Variants in IPMK observed in about 807,000 individuals in gnomAD.
IPMK encodes inositol 1,3,4,6-tetrakisphosphate 5-kinase.
Under a neutral mutation model 45.8 loss-of-function variants are expected in IPMK, and 17 were observed. The observed-to-expected ratio is 0.37, with a 90% CI of 0.25 to 0.56. IPMK has a LOEUF of 0.56. Among genes scored for constraint, IPMK ranks in the 20% least tolerant of loss-of-function variants. The probability of loss-of-function intolerance (pLI) is 0.79; values close to 1 mark genes in which losing one functional copy is unlikely to be tolerated. For synonymous variants in IPMK, 180 were observed against 184.3 expected, an observed-to-expected ratio of 0.98 and a Z score of 0.19; for missense variants, 399 against 498.0, an observed-to-expected ratio of 0.80 and a Z score of 1.89.
At chr10:58,261,212 C>T (rs192312374) in intron 1 of IPMK, among the ~76,000 whole-genome samples, 2 of 147,794 alleles carry the variant, frequency 1.4e-5, no homozygotes, top group Admixed American at 6.8e-5. Context: ...ATACAGCATA[C>T]TAGATTTTGT....
At chr10:58,262,431 C>T (rs982261260) in intron 1 of IPMK, among the ~76,000 whole-genome samples, 2 of 151,942 alleles carry the variant, frequency 1.3e-5, no homozygotes, top group Non-Finnish European at 2.9e-5. Context: ...AGGAAGAACT[C>T]GGGTTTAAAT....
intron 3 of IPMK, among the ~76,000 whole-genome samples, chr10:58,218,123 A>G (rs970911812): frequency 1.3e-5 from 2 of 152,262 alleles, no homozygotes; most frequent in Admixed American, 6.5e-5. Flanking sequence ...AAGTGAAGTT[A>G]AGCCCAAATA....
At chr10:58,234,179 G>T (rs909324434) in intron 2 of IPMK, among the ~76,000 whole-genome samples, 1 of 152,110 alleles carries the variant, frequency 6.6e-6, no homozygotes, top group African/African-American at 2.4e-5. Flanking sequence ...CACAAACAAA[G>T]GGAAGAATAT....
rs762302740 is a variant in IPMK, at chr10:58,267,524, C to T, written c.88G>A (p.Glu30Lys). The T allele has an allele frequency of 2.5e-6, 4 of 1,613,028 alleles. No homozygotes were observed. Among genetic ancestry groups the T allele is most frequent in the East Asian group, 2.2e-5 (1 of 44,852 alleles). ...RTSPAIESTPEGTPQPAGGRL... is the reference protein window; with the variant it reads ...RTSPAIESTPKGTPQPAGGRL... ...CCGCCCGCCGGCTGCGGGGTGCCCT[C>T]AGGGGTGGACTCGATCGCCGGTGAG... Residue 30 changes from glutamate to lysine, a missense_variant, in exon 1 of 6, where the codon GAG (glutamate) becomes AAG (lysine). Physicochemically the swap from Glu to Lys is moderately conservative, Grantham distance 56 (BLOSUM62 1). Coordinates refer to ENST00000373935, the MANE Select transcript of IPMK (RefSeq NM_152230.5).
rs868131426 is a variant in IPMK at position 58,203,562 on chromosome 10, C to T, written c.547-4241G>A. On this transcript the variant is annotated intron_variant, in intron 4 of 5. Transcript: ENST00000373935. ...AACTCCTGAGCTCAAGCGATCCACCCGCCTCAGCCTCCCAAAGTGTTGGGA... is the reference window on the plus strand; with the variant it reads ...AACTCCTGAGCTCAAGCGATCCACCTGCCTCAGCCTCCCAAAGTGTTGGGA... 6.6e-5 allele frequency among the ~76,000 whole-genome samples: 10 copies of T among 152,290 alleles called. No homozygotes were observed. The South Asian group carries it at 1.2e-3, about 19-fold the overall frequency.
In IPMK at chr10:58,226,990, A is replaced by C. The variant is rs557822430; in HGVS notation, c.373+53T>G. 34 of 1,220,188 alleles carry C rather than the reference A, an allele frequency of 2.8e-5. No individual in the cohort carries two copies. The African/African-American group carries it at 4.2e-4, about 15-fold the overall frequency. The allele number at this position is 1,220,188 out of a possible 1,614,324, so 75.6% of individuals were successfully genotyped here. On this transcript the variant is annotated intron_variant, in intron 3 of 5. Transcript: ENST00000373935. ...TTTTAATTTTACATAAGGCCTTTAA[A>C]GAAGCTACACTCATGAATTAAAACT...
rs116456941 is a variant in IPMK at position 58,263,570 on chromosome 10, G to A, written c.190+3852C>T. On this transcript the variant is annotated intron_variant, in intron 1 of 5. Transcript: ENST00000373935. ...CCTAGTGGTGTGCACCTATACTCCC[G>A]GCTACTCAGGAGGCTGAGGCAGGAG... 6.0e-3 allele frequency among the ~76,000 whole-genome samples: 910 copies of A among 151,364 alleles called. 9 individuals carry two copies. The highest frequency in any genetic ancestry group is 0.021 in the African/African-American group (862 of 41,170).
rs577216831 is a variant in IPMK at position 58,267,636 on chromosome 10, C to T, written c.-25G>A. On this transcript the variant is annotated 5_prime_UTR_variant, in exon 1 of 6. Coordinates refer to ENST00000373935, the MANE Select transcript of IPMK (RefSeq NM_152230.5). ...TAACGGAGAGCAGAAGCGGTAACGG[C>T]AGCGAGAGTAGGAAAAAAAATAGGG... The T allele has an allele frequency of 4.6e-6, 7 of 1,534,724 alleles. No homozygotes were observed. The highest frequency in any genetic ancestry group is 2.3e-5 in the South Asian group (2 of 85,788).
intron 4 of IPMK, among the ~76,000 whole-genome samples, chr10:58,200,623 ATTAT>A (rs1397860971): frequency 3.3e-5 from 5 of 152,246 alleles, no homozygotes; most frequent in African/African-American, 9.6e-5. Context: ...ATGGGAAAAG[ATTAT>A]TTATTAAATT....
chr10:58,192,869 A>T lies in IPMK; in HGVS notation c.*3207T>A, dbSNP rs1199094. ...TCAAAAACATGTAATAGAAAGGGTA[A>T]CTGAGGGTACAAACATATCAAATCA... On this transcript the variant is annotated 3_prime_UTR_variant, in exon 6 of 6. Transcript: ENST00000373935. 0.15 allele frequency: 22,703 copies of T among 151,978 alleles called. 2,317 individuals are homozygous for T. The highest frequency in any genetic ancestry group is 0.29 in the African/African-American group (12,040 of 41,452). 9.4% of individuals were successfully genotyped at this position (151,978 alleles called of 1,614,324 possible).
chr10:58,193,003 A>G lies in IPMK; in HGVS notation c.*3073T>C, dbSNP rs1745484096. ...TACTAAGAGAAAATGTACTAAAATG[A>G]CAATGCTTTACCATAGTGGACACAA... On this transcript the variant is annotated 3_prime_UTR_variant, in exon 6 of 6. Transcript: ENST00000373935. The G allele has an allele frequency of 6.6e-6, 1 of 151,992 alleles. No individual in the cohort carries two copies. The allele number at this position is 151,992 out of a possible 1,614,324, so 9.4% of individuals were successfully genotyped here. A position where few individuals can be genotyped will look rare whatever the true frequency, so the allele number is the denominator to read the frequency against.
intron 1 of IPMK, among the ~76,000 whole-genome samples, chr10:58,263,431 C>T (rs370773716): frequency 5.7e-4 from 87 of 151,580 alleles, no homozygotes; most frequent in South Asian, 4.8e-3. Context: ...GGCTGAGGCA[C>T]GAGAATCACT....
intron 5 of IPMK, among the ~76,000 whole-genome samples, chr10:58,197,589 G>A (rs1310209573): frequency 6.6e-6 from 1 of 150,580 alleles, no homozygotes; most frequent in African/African-American, 2.4e-5. Context: ...GGCGGAGCTT[G>A]CAGCGAGCCG....
intron 1 of IPMK, among the ~76,000 whole-genome samples, chr10:58,243,611 T>C (rs2790211): frequency 0.34 from 51,244 of 151,844 alleles, 10,844 homozygotes; most frequent in African/African-American, 0.61. Context: ...CTCGGGTGAT[T>C]AGCCCGCCTC....
intron 5 of IPMK, among the ~76,000 whole-genome samples, chr10:58,197,641 C>CT (rs1004852348): frequency 2.1e-5 from 3 of 145,578 alleles, no homozygotes; most frequent in African/African-American, 7.7e-5. Context: ...CAGAACGAGA[C>CT]TCCGTCTCAA....
At chr10:58,198,447 T>G (rs1338526218) in intron 5 of IPMK, among the ~76,000 whole-genome samples, 2 of 152,318 alleles carry the variant, frequency 1.3e-5, no homozygotes, top group East Asian at 3.9e-4. Flanking sequence ...CAGATATGAC[T>G]AAATTATTAG....
chr10:58,206,150 TG>T (rs1157212049), intron 4 of IPMK, among the ~76,000 whole-genome samples: 1 of 152,194 alleles, frequency 6.6e-6, no homozygotes, highest in Non-Finnish European at 1.5e-5. Flanking sequence ...TATGACAACA[TG>T]GGTGAACTTT....
chr10:58,234,325 A>G (rs1341058724), intron 2 of IPMK, among the ~76,000 whole-genome samples: 1 of 152,228 alleles, frequency 6.6e-6, no homozygotes, highest in East Asian at 1.9e-4. Context: ...TTTAAAGATC[A>G]TATGGAACCA....
At chr10:58,244,517 G>A (rs1357866346) in intron 1 of IPMK, among the ~76,000 whole-genome samples, 2 of 147,138 alleles carry the variant, frequency 1.4e-5, no homozygotes, top group Admixed American at 6.7e-5. Flanking sequence ...TCCCGTCTGG[G>A]AAGTGTACCC....
Sources: gnomAD v4.1 joint callset for allele counts (sites outside exome capture counted in the v4.1 genomes callset) on GRCh38, gnomAD v4.1.1 for gene constraint, MANE v1.5 for transcripts, NCBI Gene and HGNC (gene_info 2026-07-23, HGNC 2026-07-21) for gene names.